MGST1: variants seen among roughly 807,000 people sequenced by gnomAD.
MGST1 encodes glutathione S-transferase 12.
Under a neutral mutation model 8.9 loss-of-function variants are expected in MGST1, and 5 were observed. The observed-to-expected ratio is 0.56, with a 90% CI of 0.29 to 1.19. The LOEUF is 1.19. Among genes scored for constraint, MGST1 ranks in the 50% most tolerant of loss-of-function variants. The pLI, the probability that MGST1 is intolerant of heterozygous loss-of-function variation, is 0.08. For missense variants in MGST1, 182 were observed against 187.4 expected, an observed-to-expected ratio of 0.97 and a Z score of 0.17; for synonymous variants, 54 against 67.8, an observed-to-expected ratio of 0.80 and a Z score of 1.00.
At chr12:16,552,427 C>T (rs956421746) in intron 4 of MGST1, among the ~76,000 whole-genome samples, 4 of 151,986 alleles carry the variant, frequency 2.6e-5, no homozygotes, top group African/African-American at 4.8e-5. Flanking sequence ...GAAAGCCACC[C>T]TTTAATGTTT....
intron 1 of MGST1, among the ~76,000 whole-genome samples, chr12:16,432,660 A>G (rs990843100): frequency 4.8e-5 from 7 of 147,322 alleles, no homozygotes; most frequent in African/African-American, 2.5e-5. Context: ...TCACTCGCAA[A>G]TCTCTCCTCT....
intron 4 of MGST1, among the ~76,000 whole-genome samples, chr12:16,583,038 C>A (rs1943210314): frequency 9.6e-6 from 1 of 104,176 alleles, no homozygotes; most frequent in Non-Finnish European, 1.9e-5. Context: ...CAGTGCGAGA[C>A]TCCGCCTCAA....
rs1940092496 is a variant in MGST1, at chr12:16,363,564, C to T, written c.222-231C>T. Reference sequence around the variant, plus strand: ...TATTCTAGGAACTACAAAATGCCTTCTGTGATATTTAAAGATACACTAAAA... The same window carrying T: ...TATTCTAGGAACTACAAAATGCCTTTTGTGATATTTAAAGATACACTAAAA... On this transcript the variant is annotated intron_variant, in intron 3 of 3. Coordinates refer to ENST00000396210, the MANE Select transcript of MGST1 (RefSeq NM_020300.5). The surrounding 1 kb of genome is among the most constrained non-coding windows in gnomAD (Gnocchi z 4.6). 1 of 305,652 alleles carries T rather than the reference C, an allele frequency of 3.3e-6. No homozygotes were observed. Among genetic ancestry groups the T allele is most frequent in the African/African-American group, 2.1e-5 (1 of 47,106 alleles). The allele number at this position is 305,652 out of a possible 1,614,324, so 18.9% of individuals were successfully genotyped here.
intron 1 of MGST1, among the ~76,000 whole-genome samples, chr12:16,422,488 A>C (rs527568835): frequency 6.6e-6 from 1 of 152,246 alleles, no homozygotes; most frequent in East Asian, 1.9e-4. Flanking sequence ...TTATCAGGTC[A>C]AAAGGAAACA....
At chr12:16,386,367 A>T (rs1241669786) in intron 1 of MGST1, among the ~76,000 whole-genome samples, 2 of 152,134 alleles carry the variant, frequency 1.3e-5, no homozygotes, top group Non-Finnish European at 2.9e-5. Flanking sequence ...CCAAGCTAGG[A>T]CTCGGCACAA....
rs1055148714 is a variant in MGST1, at chr12:16,482,702, G to T, written n.482+99098G>T. Among the ~76,000 whole-genome samples the T allele has an allele frequency of 6.6e-6, 1 of 152,038 alleles. No individual in the cohort carries two copies. Among genetic ancestry groups the T allele is most frequent in the Non-Finnish European group, 1.5e-5 (1 of 67,998 alleles). On this transcript the variant is annotated intron_variant and non_coding_transcript_variant, in intron 4 of 4. Coordinates refer to the MGST1 transcript ENST00000538857. This position sits in a 1 kb window ranked among gnomAD's most constrained non-coding sequence, Gnocchi z 4.2. ...GTAAAAATGCAACAACAAGTTGATTGTTCTAGAGACAGGTATGTTCTGGAG... is the reference window on the plus strand; with the variant it reads ...GTAAAAATGCAACAACAAGTTGATTTTTCTAGAGACAGGTATGTTCTGGAG...
intron 4 of MGST1, among the ~76,000 whole-genome samples, chr12:16,533,197 T>G (rs903206579): frequency 6.6e-6 from 1 of 152,196 alleles, no homozygotes; most frequent in Non-Finnish European, 1.5e-5. Flanking sequence ...CAGAGGACTC[T>G]CATTTTTGTT....
intron 4 of MGST1, among the ~76,000 whole-genome samples, chr12:16,553,437 C>T (rs1217249279): frequency 6.6e-6 from 1 of 152,086 alleles, no homozygotes; most frequent in African/African-American, 2.4e-5. Context: ...AGTCTGCCTA[C>T]TATTCAATTA....
chr12:16,507,469 G>T (rs1941545962), intron 4 of MGST1, among the ~76,000 whole-genome samples: 1 of 152,118 alleles, frequency 6.6e-6, no homozygotes, highest in African/African-American at 2.4e-5. Flanking sequence ...CACTGACTCA[G>T]ATATAAAATA....
chr12:16,488,725 A>G (rs1941416694), intron 4 of MGST1, among the ~76,000 whole-genome samples: 1 of 152,158 alleles, frequency 6.6e-6, no homozygotes, highest in Non-Finnish European at 1.5e-5. Flanking sequence ...TTACATGATT[A>G]ATATTGGTCT....
Position 16,547,161 on chromosome 12 carries a change from G to C in MGST1, n.483-42367G>C, listed in dbSNP as rs1941833705. Among the ~76,000 whole-genome samples, 1 of 152,058 alleles carries C rather than the reference G, an allele frequency of 6.6e-6. No individual in the cohort carries two copies. The highest frequency in any genetic ancestry group is 1.5e-5 in the Non-Finnish European group (1 of 68,012). The stretch of plus-strand genomic sequence containing the variant: ...AGGTTTTATAAACCCTAGGCATTCT[G>C]AAATCTTCGTTTATGATACTAATCA... On this transcript the variant is annotated intron_variant and non_coding_transcript_variant, in intron 4 of 4. Transcript: ENST00000538857. This position sits in a 1 kb window ranked among gnomAD's most constrained non-coding sequence, Gnocchi z 4.6.
At chr12:16,538,146 C>T (rs952068572) in intron 4 of MGST1, among the ~76,000 whole-genome samples, 1 of 152,180 alleles carries the variant, frequency 6.6e-6, no homozygotes, top group Admixed American at 6.5e-5. Context: ...AATTATCTCT[C>T]TCAAGTTAAA....
Position 16,413,712 on chromosome 12 carries a change from A to G in MGST1, n.779-23676A>G, listed in dbSNP as rs1482531912. Among the ~76,000 whole-genome samples the G allele has an allele frequency of 6.6e-6, 1 of 152,158 alleles. No individual in the cohort carries two copies. The highest frequency in any genetic ancestry group is 2.4e-5 in the African/African-American group (1 of 41,436). ...TCCCTTCTTTTTGGGATAAACCACTATAGTTTGTATTCTAGCATTTGTCAT... is the reference window on the plus strand; with the variant it reads ...TCCCTTCTTTTTGGGATAAACCACTGTAGTTTGTATTCTAGCATTTGTCAT... On this transcript the variant is annotated intron_variant and non_coding_transcript_variant, in intron 1 of 1. Coordinates refer to the MGST1 transcript ENST00000359720. The surrounding 1 kb of genome is among the most constrained non-coding windows in gnomAD (Gnocchi z 4.0).
chr12:16,437,849 G>T (rs1369172693), exon 2 of MGST1: 1 of 134,082 alleles, frequency 7.5e-6, no homozygotes, highest in Non-Finnish European at 1.6e-5. Context: ...AAGGTGACTT[G>T]TTGGTAGTCA....
intron 1 of MGST1, among the ~76,000 whole-genome samples, chr12:16,349,626 G>A (rs1313270201): frequency 3.9e-5 from 6 of 152,084 alleles, no homozygotes; most frequent in South Asian, 2.1e-4. Context: ...CGGGTCAAGC[G>A]AGATAAAATA....
At chr12:16,508,064 G>A (rs1941551544) in intron 4 of MGST1, among the ~76,000 whole-genome samples, 1 of 152,146 alleles carries the variant, frequency 6.6e-6, no homozygotes, top group South Asian at 2.1e-4. Flanking sequence ...TGAGGAAGAA[G>A]GGATCTCTTT....
chr12:16,543,878 T>C (rs1324929525), intron 4 of MGST1, among the ~76,000 whole-genome samples: 1 of 152,198 alleles, frequency 6.6e-6, no homozygotes, highest in African/African-American at 2.4e-5. Flanking sequence ...AACTAAAATA[T>C]AGTCTTGTCA....
At chr12:16,415,426 A>G (rs1037388883) in intron 1 of MGST1, among the ~76,000 whole-genome samples, 1 of 152,280 alleles carries the variant, frequency 6.6e-6, no homozygotes, top group South Asian at 2.1e-4. Context: ...CCACTTATGC[A>G]TGAATTTTAT....
At chr12:16,392,961 C>A (rs1940567194) in intron 1 of MGST1, among the ~76,000 whole-genome samples, 2 of 152,030 alleles carry the variant, frequency 1.3e-5, no homozygotes, top group East Asian at 1.9e-4. Context: ...CACTAAAACA[C>A]CTTAGAAATG....
Sources: allele counts gnomAD v4.1 joint callset (sites outside exome capture counted in the v4.1 genomes callset), GRCh38; gene constraint gnomAD v4.1.1; non-coding constraint Gnocchi (gnomAD v3.1); transcripts MANE v1.5; gene names NCBI Gene and HGNC (gene_info 2026-07-23, HGNC 2026-07-21).